GALK2: variants seen among roughly 807,000 people sequenced by gnomAD.
The protein encoded by GALK2 is N-acetylgalactosamine kinase.
Under a neutral mutation model 52.4 loss-of-function variants are expected in GALK2, and 36 were observed. The observed-to-expected ratio is 0.69, with a 90% CI of 0.53 to 0.91. GALK2 has a LOEUF of 0.91. Ranked by LOEUF, GALK2 falls within the 40% of genes least tolerant of loss-of-function variation. GALK2 has a pLI of 0.00. For synonymous variants in GALK2, 176 were observed against 199.1 expected (o/e 0.88, Z 0.98); for missense variants, 579 against 559.1 (o/e 1.04, Z -0.36).
intron 3 of GALK2, among the ~76,000 whole-genome samples, chr15:49,342,575 T>C (rs1279418061): frequency 6.6e-6 from 1 of 152,176 alleles, no homozygotes; most frequent in African/African-American, 2.4e-5. Context: ...TATCGTGAAG[T>C]TGTTAGCTGG....
intron 3 of GALK2, among the ~76,000 whole-genome samples, chr15:49,217,953 A>G (rs57614062): frequency 6.6e-6 from 1 of 152,216 alleles, no homozygotes; most frequent in Non-Finnish European, 1.5e-5. Context: ...CAGTTTTTTT[A>G]AAAATATGGT....
chr15:49,353,002 G>C (rs559133732), intron 3 of GALK2, among the ~76,000 whole-genome samples: 1 of 152,172 alleles, frequency 6.6e-6, no homozygotes, highest in Admixed American at 6.5e-5. Flanking sequence ...ACTATGCACA[G>C]ACAATGGCAA....
intron 5 of GALK2, among the ~76,000 whole-genome samples, chr15:49,243,386 C>T (rs1244274182): frequency 2.0e-5 from 3 of 152,124 alleles, no homozygotes; most frequent in Non-Finnish European, 4.4e-5. Context: ...CTGGCAACCT[C>T]ACCACCCTAC....
intron 9 of GALK2, among the ~76,000 whole-genome samples, chr15:49,325,933 T>TA (rs1211531224): frequency 1.3e-5 from 2 of 152,158 alleles, no homozygotes; most frequent in Admixed American, 1.3e-4. Context: ...ACAGCCAGAT[T>TA]AAAAATAATA....
intron 7 of GALK2, among the ~76,000 whole-genome samples, chr15:49,290,883 GC>G (rs1170020755): frequency 6.6e-6 from 1 of 152,298 alleles, no homozygotes; most frequent in African/African-American, 2.4e-5. Flanking sequence ...CCTAGGGGCA[GC>G]AAGAAAGAGT....
At chr15:49,305,439 G>A (rs994026062) in intron 8 of GALK2, among the ~76,000 whole-genome samples, 1 of 152,128 alleles carries the variant, frequency 6.6e-6, no homozygotes, top group African/African-American at 2.4e-5. Context: ...CTTTAGAAAG[G>A]ATTAGAATGG....
chr15:49,362,945 T>G (rs1345974523), intron 3 of GALK2, among the ~76,000 whole-genome samples: 1 of 152,120 alleles, frequency 6.6e-6, no homozygotes, highest in African/African-American at 2.4e-5. Flanking sequence ...GTGTGCAGCA[T>G]TATTTCTGAG....
At chr15:49,323,724 G>A (rs1030772608) in intron 9 of GALK2, among the ~76,000 whole-genome samples, 1 of 152,198 alleles carries the variant, frequency 6.6e-6, no homozygotes, top group Non-Finnish European at 1.5e-5. Context: ...GTGGAGAGAA[G>A]GGGGGTTGGG....
rs567365373 is a variant in GALK2, at chr15:49,197,081, G to A, written c.54-4081G>A. Among the ~76,000 whole-genome samples, 121 of 152,322 alleles carry A rather than the reference G, an allele frequency of 7.9e-4. 2 individuals are homozygous for A. Among genetic ancestry groups the A allele is most frequent in the Non-Finnish European group, 2.6e-4 (18 of 68,034 alleles). Reference sequence around the variant, plus strand: ...TGAACTTTAGCCTGGGCAACAGAGCGAGTCCCTGTCTCTCACTCTCTAAAG... The same window carrying A: ...TGAACTTTAGCCTGGGCAACAGAGCAAGTCCCTGTCTCTCACTCTCTAAAG... On this transcript the variant is annotated intron_variant, in intron 1 of 9. Coordinates refer to ENST00000560031, the MANE Select transcript of GALK2 (RefSeq NM_002044.4).
At chr15:49,200,684 T>C (rs1177696053) in intron 1 of GALK2, among the ~76,000 whole-genome samples, 1 of 152,226 alleles carries the variant, frequency 6.6e-6, no homozygotes, top group Non-Finnish European at 1.5e-5. Context: ...CCTCTGGTTT[T>C]AGACTTCTGG....
chr15:49,232,610 A>G (rs545334904), intron 3 of GALK2, among the ~76,000 whole-genome samples: 3 of 152,300 alleles, frequency 2.0e-5, no homozygotes, highest in African/African-American at 7.2e-5. Flanking sequence ...CCTTTTAAAT[A>G]TAAGTTTCAG....
intron 2 of GALK2, among the ~76,000 whole-genome samples, chr15:49,208,349 TG>T (rs1323554822): frequency 1.3e-5 from 2 of 152,182 alleles, no homozygotes; most frequent in Non-Finnish European, 2.9e-5. Flanking sequence ...TGATAGGTTG[TG>T]TCATTATTGT....
chr15:49,352,625 C>T (rs1451986872), intron 3 of GALK2, among the ~76,000 whole-genome samples: 1 of 152,106 alleles, frequency 6.6e-6, no homozygotes, highest in Admixed American at 6.5e-5. Context: ...CTATGTTTAA[C>T]AATATTGAGA....
chr15:49,251,097 G>A (rs2091578464), intron 5 of GALK2, among the ~76,000 whole-genome samples: 1 of 152,188 alleles, frequency 6.6e-6, no homozygotes, highest in South Asian at 2.1e-4. Context: ...AAATGTGATA[G>A]CTTGATACCA....
At chr15:49,259,556 A>G (rs1001191241) in intron 5 of GALK2, among the ~76,000 whole-genome samples, 1 of 148,522 alleles carries the variant, frequency 6.7e-6, no homozygotes, top group African/African-American at 2.5e-5. Context: ...TCCATGGTGT[A>G]TATGTGCCAC....
In GALK2 at chr15:49,355,425, G is replaced by A. The variant is rs181024666; in HGVS notation, c.427-12066G>A. Among the ~76,000 whole-genome samples the A allele has an allele frequency of 1.0e-3, 154 of 152,282 alleles. 1 individual carries two copies. The East Asian group carries it at 0.016, about 16-fold the overall frequency. On this transcript the variant is annotated intron_variant, in intron 3 of 3. Coordinates refer to the GALK2 transcript ENST00000558399. ...CTAATGGAGCTGAAAACCAAGGCTC[G>A]AGAACTACGTGAAGAATGCAGAAGC...
intron 3 of GALK2, among the ~76,000 whole-genome samples, chr15:49,229,014 T>C (rs2141447134): frequency 6.6e-6 from 1 of 152,200 alleles, no homozygotes; most frequent in East Asian, 1.9e-4. Flanking sequence ...TTTTTAAATG[T>C]CATTACTTTG....
upstream of GALK2, among the ~76,000 whole-genome samples, chr15:49,166,924 A>C (rs2084841612): frequency 6.6e-6 from 1 of 152,238 alleles, no homozygotes; most frequent in Non-Finnish European, 1.5e-5. Flanking sequence ...ACATTATTTC[A>C]GATAAATGGT....
At chr15:49,264,817 T>C (rs970437464) in intron 5 of GALK2, among the ~76,000 whole-genome samples, 1 of 152,226 alleles carries the variant, frequency 6.6e-6, no homozygotes, top group African/African-American at 2.4e-5. Flanking sequence ...TGCAGGTCTG[T>C]TGGAGTTTGC....
Sources: gnomAD v4.1 joint callset for allele counts (sites outside exome capture counted in the v4.1 genomes callset) on GRCh38, gnomAD v4.1.1 for gene constraint, MANE v1.5 for transcripts, NCBI Gene and HGNC (gene_info 2026-07-23, HGNC 2026-07-21) for gene names.